Variants in CACNA1E observed in about 807,000 individuals in gnomAD.
The protein encoded by CACNA1E is voltage-dependent R-type calcium channel subunit alpha-1E.
A neutral mutation model predicts 259.2 loss-of-function variants in CACNA1E; 40 were observed. The observed-to-expected ratio is 0.15, with a 90% CI of 0.12 to 0.20. The LOEUF is 0.20. Ranked by LOEUF, CACNA1E falls within the 10% of genes least tolerant of loss-of-function variation. The pLI, the probability that CACNA1E is intolerant of heterozygous loss-of-function variation, is 1.00. For missense variants in CACNA1E, 1,874 were observed against 3,040.1 expected (o/e 0.62, Z 9.02); for synonymous variants, 1,104 against 1,138.5 (o/e 0.97, Z 0.61).
chr1:181,471,200 A>G lies in CACNA1E; in HGVS notation c.435-12544A>G, dbSNP rs150894190. On this transcript the variant is annotated intron_variant, in intron 2 of 11. Coordinates refer to the CACNA1E transcript ENST00000524607. Reference sequence around the variant, plus strand: ...TAAGATTAGCCCTGATGGCTTAATCATGTCCTAAAGACTTTACCTCTTAAT... The same window carrying G: ...TAAGATTAGCCCTGATGGCTTAATCGTGTCCTAAAGACTTTACCTCTTAAT... Among the ~76,000 whole-genome samples the G allele has an allele frequency of 5.9e-5, 9 of 152,336 alleles. No homozygotes were observed. In the East Asian group the frequency reaches 1.5e-3, roughly 26 times the overall value.
intron 34 of CACNA1E, among the ~76,000 whole-genome samples, chr1:181,765,016 G>A (rs1658902309): frequency 6.6e-6 from 1 of 152,194 alleles, no homozygotes. Context: ...GTTATAGATA[G>A]ATGTTCCCTT....
At chr1:181,442,161 G>T (rs1660519840) in intron 2 of CACNA1E, among the ~76,000 whole-genome samples, 1 of 152,022 alleles carries the variant, frequency 6.6e-6, no homozygotes, top group Admixed American at 6.6e-5. Flanking sequence ...GTACAGGTGT[G>T]AAGGGCACAG....
At chr1:181,521,796 C>T (rs530054726) in intron 3 of CACNA1E, among the ~76,000 whole-genome samples, 50 of 151,902 alleles carry the variant, frequency 3.3e-4, no homozygotes, top group African/African-American at 1.0e-3. Flanking sequence ...TAGGATGAGA[C>T]GAGAAGAGGG....
At chr1:181,472,264 A>T (rs966356214) in intron 2 of CACNA1E, among the ~76,000 whole-genome samples, 3 of 152,114 alleles carry the variant, frequency 2.0e-5, no homozygotes, top group Non-Finnish European at 2.9e-5. Flanking sequence ...AGGTCAAAGG[A>T]TACAAAGTAG....
At chr1:181,681,281 A>G (rs1485774768) in intron 7 of CACNA1E, among the ~76,000 whole-genome samples, 1 of 152,126 alleles carries the variant, frequency 6.6e-6, no homozygotes, top group East Asian at 1.9e-4. Context: ...GCAAAGCCGT[A>G]TTTTCAACTG....
intron 3 of CACNA1E, among the ~76,000 whole-genome samples, chr1:181,544,706 T>C (rs1344637867): frequency 2.0e-5 from 3 of 152,292 alleles, no homozygotes; most frequent in East Asian, 1.9e-4. Context: ...TGTTGTTCTA[T>C]TGTGGCCCCA....
In CACNA1E at chr1:181,756,038, A is replaced by T. The variant is rs1275338345; in HGVS notation, c.4072A>T (p.Ile1358Phe). 6.2e-7 allele frequency: 1 copy of T among 1,613,856 alleles called. No homozygotes were observed. Among genetic ancestry groups the T allele is most frequent in the Non-Finnish European group, 8.5e-7 (1 of 1,179,822 alleles). ...WKRHEFHYDNIIWALLTLFTV... is the reference protein window; with the variant it reads ...WKRHEFHYDNFIWALLTLFTV... ...GCGCCATGAATTCCACTACGACAAC[A>T]TTATCTGGGCCCTGCTGACCCTCTT... The change falls in exon 29 of 48, where the codon ATT (isoleucine) becomes TTT (phenylalanine). Residue 1358 changes from isoleucine to phenylalanine, a missense_variant. Physicochemically the swap from Ile to Phe is conservative, Grantham distance 21. Transcript: ENST00000367573.
At chr1:181,569,601 TGATA>T (rs2102929443) in intron 3 of CACNA1E, among the ~76,000 whole-genome samples, 1 of 152,386 alleles carries the variant, frequency 6.6e-6, no homozygotes, top group African/African-American at 2.4e-5. Context: ...AGTAGATTTT[TGATA>T]GATCATAATT....
At chr1:181,696,469 C>G (rs1003717023) in intron 7 of CACNA1E, among the ~76,000 whole-genome samples, 1 of 152,154 alleles carries the variant, frequency 6.6e-6, no homozygotes, top group Non-Finnish European at 1.5e-5. Context: ...TTCACACAAA[C>G]AGAATTATAT....
At chr1:181,478,699 GC>G (rs2102442805), upstream of CACNA1E, among the ~76,000 whole-genome samples, 1 of 152,356 alleles carries the variant, frequency 6.6e-6, no homozygotes, top group Admixed American at 6.5e-5. Flanking sequence ...TTTGGATGAA[GC>G]CCACATTCAC....
In CACNA1E at chr1:181,793,975, C is replaced by G. The variant is rs548914762; in HGVS notation, c.6027+182C>G. 7.9e-5 allele frequency among the ~76,000 whole-genome samples: 12 copies of G among 152,330 alleles called. 2 individuals are homozygous for G. Among genetic ancestry groups the G allele is most frequent in the Admixed American group, 5.2e-4 (8 of 15,294 alleles). On this transcript the variant is annotated intron_variant, in intron 45 of 47. Transcript: ENST00000367573. The stretch of plus-strand genomic sequence containing the variant: ...TTCTCCGGTGTTTTCAATGACCCCC[C>G]CTAACCACAACAGCCCAGCGAACAA...
Position 181,776,093 on chromosome 1 carries a change from C to A in CACNA1E, c.5140-8C>A. ...CCCCTAACCCCTCTTCTTCCCCTTGCCCTTCAGATGCTCAACCTGTTTGTG... is the reference window on the plus strand; with the variant it reads ...CCCCTAACCCCTCTTCTTCCCCTTGACCTTCAGATGCTCAACCTGTTTGTG... On this transcript the variant is annotated splice_polypyrimidine_tract_variant and splice_region_variant and intron_variant, in intron 37 of 47. Coordinates refer to ENST00000367573, the MANE Select transcript of CACNA1E (RefSeq NM_001205293.3). The surrounding 1 kb of genome is among the most constrained non-coding windows in gnomAD (Gnocchi z 4.4). The A allele has an allele frequency of 6.2e-7, 1 of 1,611,340 alleles. No homozygotes were observed. The highest frequency in any genetic ancestry group is 2.2e-5 in the East Asian group (1 of 44,854).
chr1:181,440,756 T>G (rs1219921853), intron 2 of CACNA1E, among the ~76,000 whole-genome samples: 1 of 151,766 alleles, frequency 6.6e-6, no homozygotes, highest in African/African-American at 2.4e-5. Flanking sequence ...GGGTAGGCCT[T>G]GGATTGCCTG....
At chr1:181,478,822 C>T (rs1237238402), upstream of CACNA1E, among the ~76,000 whole-genome samples, 2 of 152,194 alleles carry the variant, frequency 1.3e-5, no homozygotes, top group African/African-American at 2.4e-5. Flanking sequence ...CCAACTTTGC[C>T]ACTCATGTCC....
chr1:181,583,257 C>G (rs1651730780), intron 6 of CACNA1E, among the ~76,000 whole-genome samples: 1 of 152,100 alleles, frequency 6.6e-6, no homozygotes, highest in Non-Finnish European at 1.5e-5. Flanking sequence ...AGAAAAATGA[C>G]TCACTAAGCA....
rs142696283 is a variant in CACNA1E at position 181,569,708 on chromosome 1, G to A, written c.513-8058G>A. 1.9e-4 allele frequency among the ~76,000 whole-genome samples: 29 copies of A among 152,322 alleles called. No homozygotes were observed. In the East Asian group the frequency reaches 5.2e-3, roughly 27 times the overall value. ...CAGCTCCGTGGATGCGTCTGTGGAT[G>A]AGTCCAACTAATCTGCAATTGGAAA... On this transcript the variant is annotated intron_variant, in intron 3 of 47. Transcript: ENST00000367573.
Position 181,483,966 on chromosome 1 carries a change from A to C in CACNA1E, c.222A>C (p.Glu74Asp). The stretch of plus-strand genomic sequence containing the variant: ...ACAGATCCCTGTTCATCTTCGGAGA[A>C]GATAACATTGTCAGGAAATATGCCA... ...TVNRSLFIFG[E>D]DNIVRKYAKK... Residue 74 changes from glutamate (E) to aspartate (D), a missense_variant, in exon 1 of 48, where the codon GAA becomes GAC. By Grantham distance (45) the Glu-to-Asp change is conservative. This residue lies in a region of CACNA1E where 110 missense variants were observed against 122.8 expected (regional missense o/e 0.90). Transcript: ENST00000367573. 2 of 1,613,808 alleles carry C rather than the reference A, an allele frequency of 1.2e-6. No homozygotes were observed. The highest frequency in any genetic ancestry group is 1.7e-6 in the Non-Finnish European group (2 of 1,179,748).
intron 1 of CACNA1E, among the ~76,000 whole-genome samples, chr1:181,395,792 G>A (rs1375526722): frequency 6.6e-6 from 1 of 152,194 alleles, no homozygotes; most frequent in African/African-American, 2.4e-5. Flanking sequence ...AGAGTGTGAT[G>A]TCGTGGAAGC....
At chr1:181,351,774 G>A (rs944094318) in intron 1 of CACNA1E, among the ~76,000 whole-genome samples, 1 of 152,190 alleles carries the variant, frequency 6.6e-6, no homozygotes, top group Non-Finnish European at 1.5e-5. Context: ...CTCTCGTAAG[G>A]ATATTTGTGA....
Sources: gnomAD v4.1 joint callset for allele counts (sites outside exome capture counted in the v4.1 genomes callset) on GRCh38, gnomAD v4.1.1 for gene constraint, gnomAD v4.1.1 regional missense constraint, Gnocchi (gnomAD v3.1) non-coding constraint, MANE v1.5 for transcripts, NCBI Gene and HGNC (gene_info 2026-07-23, HGNC 2026-07-21) for gene names.